Variants in MICAL3 observed in about 807,000 individuals in gnomAD.
The protein encoded by MICAL3 is microtubule associated monooxygenase, calponin and LIM domain containing 3.
In MICAL3, 62 loss-of-function variants were observed where a neutral mutation model predicts 207.4. The ratio of observed to expected loss-of-function variants is 0.30; its 90% CI spans 0.24 to 0.37. The LOEUF (loss-of-function observed/expected upper bound fraction) is 0.37. Among genes scored for constraint, MICAL3 ranks in the 10% least tolerant of loss-of-function variants. The pLI, the probability that MICAL3 is intolerant of heterozygous loss-of-function variation, is 1.00. For synonymous variants in MICAL3, 1,077 were observed against 1,069.3 expected (o/e 1.01, Z -0.14); for missense variants, 2,368 against 2,635.6 (o/e 0.90, Z 2.22).
At chr22:17,795,282 C>A (rs1023377559) in intron 29 of MICAL3, among the ~76,000 whole-genome samples, 9 of 152,270 alleles carry the variant, frequency 5.9e-5, no homozygotes, top group Non-Finnish European at 2.9e-5. Context: ...ACCTCGGCTT[C>A]AAAGTGTAGT....
At chr22:17,953,014 C>T (rs1934423719) in intron 1 of MICAL3, among the ~76,000 whole-genome samples, 1 of 152,238 alleles carries the variant, frequency 6.6e-6, no homozygotes, top group African/African-American at 2.4e-5. Context: ...CCATCCCTGA[C>T]ATCGGGAAAG....
chr22:17,811,652 A>G (rs1448291737), intron 27 of MICAL3, among the ~76,000 whole-genome samples: 4 of 152,234 alleles, frequency 2.6e-5, no homozygotes, highest in African/African-American at 9.6e-5. Flanking sequence ...GATGCTTTGA[A>G]CAAACCATGG....
chr22:17,952,275 C>T (rs1934385633), intron 1 of MICAL3, among the ~76,000 whole-genome samples: 1 of 152,174 alleles, frequency 6.6e-6, no homozygotes, highest in Admixed American at 6.5e-5. Context: ...GTGCCCCCAA[C>T]CTCCCCATCA....
chr22:17,819,628 C>T (rs957253826), intron 25 of MICAL3, among the ~76,000 whole-genome samples: 9 of 152,096 alleles, frequency 5.9e-5, no homozygotes, highest in Non-Finnish European at 1.0e-4. Context: ...CATCCAAGAG[C>T]CTCAAACAAA....
At chr22:17,845,454 C>A (rs527322977) in intron 19 of MICAL3, among the ~76,000 whole-genome samples, 3 of 152,238 alleles carry the variant, frequency 2.0e-5, no homozygotes, top group South Asian at 4.1e-4. Flanking sequence ...CTGCAGGAAT[C>A]CTTTCGGTAC....
chr22:18,000,246 G>GA (rs1569162846), intron 1 of MICAL3, among the ~76,000 whole-genome samples: 10 of 148,536 alleles, frequency 6.7e-5, no homozygotes, highest in Non-Finnish European at 7.4e-5. Context: ...AAGCTTAGGG[G>GA]GAAAAAAAAA....
intron 26 of MICAL3, 68 bp from the exon 27 acceptor site, chr22:17,816,852 G>C: frequency 8.6e-7 from 1 of 1,162,796 alleles, no homozygotes; most frequent in South Asian, 1.3e-5. Flanking sequence ...CTGCTCCTAT[G>C]CTCCCATGTG....
At chr22:17,807,321 A>C (rs1484599882) in intron 29 of MICAL3, among the ~76,000 whole-genome samples, 1 of 152,212 alleles carries the variant, frequency 6.6e-6, no homozygotes, top group East Asian at 1.9e-4. Context: ...AGGCCAAATC[A>C]GAGTGCGCAG....
At chr22:17,976,551 GTGTGTGTGTGTATA>G (rs1389308353) in intron 1 of MICAL3, among the ~76,000 whole-genome samples, 1 of 72,086 alleles carries the variant, frequency 1.4e-5, no homozygotes, top group East Asian at 3.1e-4. Flanking sequence ...GTGTGTGTGT[GTGTGTGTGTGTATA>G]TATATATATA....
At position 17,818,915 on chromosome 22, in the gene MICAL3, G is replaced by A. The variant is rs758020189; in HGVS notation, c.3746C>T (p.Ala1249Val). 7.0e-6 allele frequency: 11 copies of A among 1,568,432 alleles called. No individual in the cohort carries two copies. Among genetic ancestry groups the A allele is most frequent in the Admixed American group, 5.5e-5 (3 of 54,450 alleles). The change falls in exon 26 of 32, where the codon GCG becomes GTG. Residue 1249 changes from alanine (A) to valine (V), a missense_variant. This residue lies in a region of MICAL3 where 1,770 missense variants were observed against 1,863.2 expected (regional missense o/e 0.95). Transcript: ENST00000441493. ...PGSPQPQPPV[A>V]ASTPPPSPLP... Reference sequence around the variant, plus strand: ...TGGGCTGGGTGGGGGCGTGGAGGCCGCCACGGGTGGCTGGGGCTGCGGGCT... The same window carrying A: ...TGGGCTGGGTGGGGGCGTGGAGGCCACCACGGGTGGCTGGGGCTGCGGGCT...
chr22:17,990,580 C>A (rs1169569638), intron 1 of MICAL3, among the ~76,000 whole-genome samples: 1 of 152,166 alleles, frequency 6.6e-6, no homozygotes, highest in Non-Finnish European at 1.5e-5. Flanking sequence ...CACTCCCGGT[C>A]ACACACTCTA....
Position 17,818,643 on chromosome 22 carries a change from G to A in MICAL3, c.4018C>T (p.Leu1340Phe), listed in dbSNP as rs768047548. The A allele has an allele frequency of 1.2e-6, 2 of 1,613,646 alleles. No homozygotes were observed. The highest frequency in any genetic ancestry group is 3.3e-5 in the Admixed American group (2 of 60,028). Residue 1340 changes from leucine (L) to phenylalanine (F), a missense_variant, in exon 26 of 32, where the codon CTC (leucine) becomes TTC (phenylalanine). Transcript: ENST00000441493. ...KSAEIRRSLG[L>F]TPVDRSKGPE... Reference sequence around the variant, plus strand: ...CCCTTGCTGCGGTCCACAGGTGTGAGCCCGAGGCTGCGGCGGATCTCCGCA... The same window carrying A: ...CCCTTGCTGCGGTCCACAGGTGTGAACCCGAGGCTGCGGCGGATCTCCGCA...
chr22:17,917,071 T>C (rs1442467453), intron 1 of MICAL3, among the ~76,000 whole-genome samples: 1 of 152,184 alleles, frequency 6.6e-6, no homozygotes, highest in Non-Finnish European at 1.5e-5. Flanking sequence ...TGGTGCCCAC[T>C]GTATTGACTT....
intron 20 of MICAL3, among the ~76,000 whole-genome samples, chr22:17,836,807 C>T (rs1923433164): frequency 6.6e-6 from 1 of 152,130 alleles, no homozygotes; most frequent in Admixed American, 6.5e-5. Flanking sequence ...CCACGCCTGG[C>T]TAATTTTTTG....
chr22:18,006,186 G>T (rs980028088), intron 1 of MICAL3: 1 of 152,206 alleles, frequency 6.6e-6, no homozygotes, highest in African/African-American at 2.4e-5. Context: ...CAGCTTGTGT[G>T]GGGTTATCCT....
intron 16 of MICAL3, among the ~76,000 whole-genome samples, chr22:17,876,138 G>GA (rs1163945621): frequency 6.6e-6 from 1 of 152,152 alleles, no homozygotes; most frequent in Non-Finnish European, 1.5e-5. Context: ...AAGATGAGGA[G>GA]AAAAGACTTG....
chr22:17,798,504 T>C (rs1446724728), intron 29 of MICAL3, among the ~76,000 whole-genome samples: 1 of 152,208 alleles, frequency 6.6e-6, no homozygotes, highest in Non-Finnish European at 1.5e-5. Context: ...TCCACTTTCC[T>C]GCCTCTCTGG....
intron 1 of MICAL3, among the ~76,000 whole-genome samples, chr22:17,985,971 A>C (rs1310999127): frequency 6.6e-6 from 1 of 152,142 alleles, no homozygotes; most frequent in African/African-American, 2.4e-5. Flanking sequence ...CAGTGGCAGC[A>C]ATCTCGGCTC....
At chr22:17,853,194 C>T (rs1925519095) in intron 19 of MICAL3, among the ~76,000 whole-genome samples, 1 of 152,176 alleles carries the variant, frequency 6.6e-6, no homozygotes, top group African/African-American at 2.4e-5. Flanking sequence ...ACTTCACATC[C>T]CATTCACGCA....
Sources: allele counts gnomAD v4.1 joint callset (sites outside exome capture counted in the v4.1 genomes callset), GRCh38; gene constraint gnomAD v4.1.1; regional missense constraint gnomAD v4.1.1; transcripts MANE v1.5; gene names NCBI Gene and HGNC (gene_info 2026-07-23, HGNC 2026-07-21).